The following MAP3K20 variants were observed in gnomAD, a reference collection of about 807,000 sequenced individuals.
MAP3K20 encodes HCCS-4.
Under a neutral mutation model 85.7 loss-of-function variants are expected in MAP3K20, and 40 were observed. The observed-to-expected ratio is 0.47, with a 90% CI of 0.36 to 0.61. The LOEUF is 0.61. Ranked by LOEUF, MAP3K20 falls within the 20% of genes least tolerant of loss-of-function variation. MAP3K20 has a pLI of 0.00. For missense variants in MAP3K20, 817 were observed against 961.7 expected, an observed-to-expected ratio of 0.85 and a Z score of 1.99; for synonymous variants, 325 against 327.7, an observed-to-expected ratio of 0.99 and a Z score of 0.09.
intron 2 of MAP3K20, among the ~76,000 whole-genome samples, chr2:173,156,023 A>G (rs1689457054): frequency 6.6e-6 from 1 of 152,208 alleles, no homozygotes; most frequent in Non-Finnish European, 1.5e-5. Flanking sequence ...GCTCTCTAAA[A>G]GAAGCTGACC....
At position 173,266,565 on chromosome 2, in the gene MAP3K20, C is replaced by G. The variant is rs56202258; in HGVS notation, c.2218C>G (p.Pro740Ala). 8 of 1,613,878 alleles carry G rather than the reference C, an allele frequency of 5.0e-6. No homozygotes were observed. Among genetic ancestry groups the G allele is most frequent in the South Asian group, 4.4e-5 (4 of 91,044 alleles). The change falls in exon 20 of 20, where the codon CCC becomes GCC. Residue 740 changes from proline to alanine, a missense_variant. By Grantham distance (27) the Pro-to-Ala change is conservative (BLOSUM62 -1). This residue lies in a region of MAP3K20 where 454 missense variants were observed against 476.9 expected (regional missense o/e 0.95). Coordinates refer to ENST00000375213, the MANE Select transcript of MAP3K20 (RefSeq NM_016653.3). ...FKRSPRDLHQ[P>A]NTIPGMPLHP... The stretch of plus-strand genomic sequence containing the variant: ...GAGAAGCCCCAGGGACCTCCACCAA[C>G]CCAACACCATACCAGGGATGCCTTT...
chr2:173,078,559 AT>A (rs2106131271), intron 1 of MAP3K20, among the ~76,000 whole-genome samples: 1 of 152,186 alleles, frequency 6.6e-6, no homozygotes, highest in East Asian at 1.9e-4. Flanking sequence ...GATTCGACTG[AT>A]ACATGGGTGC....
At chr2:173,257,759 T>G (rs1558914440) in intron 16 of MAP3K20, among the ~76,000 whole-genome samples, 1 of 152,210 alleles carries the variant, frequency 6.6e-6, no homozygotes, top group African/African-American at 2.4e-5. Flanking sequence ...ACCATTTACA[T>G]TCCCACCAAC....
At chr2:173,171,309 C>A (rs944231281) in intron 3 of MAP3K20, among the ~76,000 whole-genome samples, 2 of 152,080 alleles carry the variant, frequency 1.3e-5, no homozygotes, top group Non-Finnish European at 2.9e-5. Flanking sequence ...AATCTGAATC[C>A]AGTGTTCTGA....
At chr2:173,081,171 A>G (rs1357662296) in intron 1 of MAP3K20, among the ~76,000 whole-genome samples, 2 of 151,218 alleles carry the variant, frequency 1.3e-5, no homozygotes, top group East Asian at 3.9e-4. Flanking sequence ...ATACAGACAC[A>G]TATTTTAAAA....
intron 2 of MAP3K20, among the ~76,000 whole-genome samples, chr2:173,104,583 T>C (rs1327670523): frequency 6.6e-6 from 1 of 152,226 alleles, no homozygotes; most frequent in Non-Finnish European, 1.5e-5. Context: ...CATGTATCAA[T>C]GTTGGCTTCT....
intron 16 of MAP3K20, among the ~76,000 whole-genome samples, chr2:173,245,435 G>A (rs1284151625): frequency 6.6e-6 from 1 of 152,114 alleles, no homozygotes; most frequent in African/African-American, 2.4e-5. Flanking sequence ...TCCCTCCAAA[G>A]AGCCAGGACC....
chr2:173,101,552 G>A (rs551670935), intron 2 of MAP3K20, among the ~76,000 whole-genome samples: 3 of 152,202 alleles, frequency 2.0e-5, no homozygotes, highest in Non-Finnish European at 4.4e-5. Context: ...TACAGCCTGA[G>A]TAGCTGATGT....
chr2:173,222,765 C>G, intron 11 of MAP3K20: 7 of 985,362 alleles, frequency 7.1e-6, no homozygotes, highest in Non-Finnish European at 8.4e-6. Flanking sequence ...TGTTTTAACC[C>G]TGCTTAATAA....
chr2:173,136,725 A>G (rs567239110), intron 2 of MAP3K20, among the ~76,000 whole-genome samples: 5 of 152,204 alleles, frequency 3.3e-5, no homozygotes, highest in Non-Finnish European at 7.3e-5. Flanking sequence ...GAACACTCAC[A>G]ATCAAAGGAA....
chr2:173,203,751 T>A (rs1487450343), intron 8 of MAP3K20, 45 bp from the exon 9 acceptor site: 2 of 1,456,722 alleles, frequency 1.4e-6, no homozygotes, highest in South Asian at 1.1e-5. Flanking sequence ...CATTAATGAA[T>A]AAATCCCTGT....
intron 2 of MAP3K20, among the ~76,000 whole-genome samples, chr2:173,121,855 C>T (rs1010755348): frequency 1.3e-5 from 2 of 152,144 alleles, no homozygotes; most frequent in African/African-American, 4.8e-5. Flanking sequence ...ACAGTTCAGC[C>T]TTGATAAGGG....
chr2:173,262,183 C>T (rs1262882315), intron 18 of MAP3K20, among the ~76,000 whole-genome samples: 1 of 152,142 alleles, frequency 6.6e-6, no homozygotes, highest in Non-Finnish European at 1.5e-5. Context: ...TCTGCGCTTC[C>T]CTGGCTACCC....
At chr2:173,114,587 A>G (rs566302915) in intron 2 of MAP3K20, among the ~76,000 whole-genome samples, 1 of 152,092 alleles carries the variant, frequency 6.6e-6, no homozygotes, top group African/African-American at 2.4e-5. Context: ...CAGTTCTTGT[A>G]GTGGTGGCTT....
At chr2:173,245,960 A>C (rs1221455910) in intron 16 of MAP3K20, among the ~76,000 whole-genome samples, 19 of 152,232 alleles carry the variant, frequency 1.2e-4, no homozygotes, top group Admixed American at 1.2e-3. Flanking sequence ...ATGACATCAT[A>C]TGTGGAGACA....
intron 10 of MAP3K20, among the ~76,000 whole-genome samples, chr2:173,214,893 T>C (rs1286240549): frequency 6.6e-6 from 1 of 152,158 alleles, no homozygotes; most frequent in Non-Finnish European, 1.5e-5. Context: ...CATCTCCAGG[T>C]TGGGGTTACA....
chr2:173,153,398 G>C (rs551045300), intron 2 of MAP3K20, among the ~76,000 whole-genome samples: 3 of 152,238 alleles, frequency 2.0e-5, no homozygotes, highest in African/African-American at 7.2e-5. Context: ...TTTCACTTTA[G>C]GATGACTTGA....
At chr2:173,257,498 A>G (rs1192762353) in intron 16 of MAP3K20, among the ~76,000 whole-genome samples, 3 of 152,216 alleles carry the variant, frequency 2.0e-5, no homozygotes, top group Non-Finnish European at 4.4e-5. Context: ...ATGCATCAAT[A>G]ATGTCTTCCT....
intron 14 of MAP3K20, among the ~76,000 whole-genome samples, chr2:173,236,607 T>C (rs996579826): frequency 3.9e-5 from 6 of 152,112 alleles, no homozygotes; most frequent in Non-Finnish European, 8.8e-5. Flanking sequence ...CCCCTCCCCC[T>C]TACTGCCAAG....
Sources: allele counts gnomAD v4.1 joint callset (sites outside exome capture counted in the v4.1 genomes callset), GRCh38; gene constraint gnomAD v4.1.1; regional missense constraint gnomAD v4.1.1; transcripts MANE v1.5; gene names NCBI Gene and HGNC (gene_info 2026-07-23, HGNC 2026-07-21).